Variants in STT3B observed in about 807,000 individuals in gnomAD.
STT3B encodes STT3 oligosaccharyltransferase complex catalytic subunit B.
STT3B carries 29 observed loss-of-function variants against 96.8 expected under a neutral mutation model. The ratio of observed to expected loss-of-function variants is 0.30; its 90% CI spans 0.22 to 0.41. STT3B has a LOEUF of 0.41. STT3B is among the 10% of genes least tolerant of loss of function. The pLI, the probability that STT3B is intolerant of heterozygous loss-of-function variation, is 1.00. For missense variants in STT3B, 640 were observed against 1,022.3 expected (o/e 0.63, Z 5.10); for synonymous variants, 367 against 360.0 (o/e 1.02, Z -0.22).
rs1245272681 is a variant in STT3B at position 31,537,852 on chromosome 3, AAC to A, written c.314+4542_314+4543del. On this transcript the variant is annotated intron_variant, in intron 1 of 15. Transcript: ENST00000295770. Reference sequence around the variant, plus strand: ...AGTTTTGAGTGTTTGAGAAAATGTTAACATTTATCTTTATTGTTATATCTTAG... The same window carrying A: ...AGTTTTGAGTGTTTGAGAAAATGTTAATTTATCTTTATTGTTATATCTTAG... 2.6e-5 allele frequency among the ~76,000 whole-genome samples: 4 copies of A among 152,322 alleles called. No individual in the cohort carries two copies. In the East Asian group the frequency reaches 5.8e-4, roughly 22 times the overall value.
intron 7 of STT3B, among the ~76,000 whole-genome samples, chr3:31,617,276 A>G (rs1699327422): frequency 6.7e-6 from 1 of 149,486 alleles, no homozygotes; most frequent in South Asian, 2.1e-4. Flanking sequence ...TGCTGGATGA[A>G]TAGTCCCAAA....
At position 31,579,901 on chromosome 3, in the gene STT3B, C is replaced by T; in HGVS notation, c.516C>T (p.Phe172=). ...ITVHIRDVCV[F]LAPTFSGLTS... ...TTCACATAAGAGACGTATGTGTGTT[C>T]CTTGCACCAACTTTTAGCGGCCTTA... The change falls in exon 3 of 16, where the codon TTC becomes TTT. Residue 172 remains phenylalanine (F), a synonymous_variant. Transcript: ENST00000295770. The T allele has an allele frequency of 1.9e-6, 3 of 1,613,810 alleles. No individual in the cohort carries two copies. The highest frequency in any genetic ancestry group is 2.5e-6 in the Non-Finnish European group (3 of 1,179,794).
chr3:31,595,865 A>G (rs1451390004), intron 3 of STT3B, among the ~76,000 whole-genome samples: 1 of 152,126 alleles, frequency 6.6e-6, no homozygotes, highest in Non-Finnish European at 1.5e-5. Context: ...GCCCAAAACC[A>G]CCACCTCAGT....
intron 8 of STT3B, among the ~76,000 whole-genome samples, chr3:31,618,953 G>T (rs1259057527): frequency 6.6e-6 from 1 of 151,764 alleles, no homozygotes; most frequent in Non-Finnish European, 1.5e-5. Context: ...TATAACTTGT[G>T]CAGTTATATT....
chr3:31,557,222 C>T (rs1697740954), intron 1 of STT3B, among the ~76,000 whole-genome samples: 2 of 152,158 alleles, frequency 1.3e-5, no homozygotes, highest in Non-Finnish European at 1.5e-5. Context: ...TTTGGATTCT[C>T]TGTTCTGTGC....
intron 1 of STT3B, among the ~76,000 whole-genome samples, chr3:31,570,507 G>A (rs765817566): frequency 2.0e-5 from 3 of 152,134 alleles, no homozygotes; most frequent in African/African-American, 7.2e-5. Flanking sequence ...GCTATGGCAC[G>A]TTTCTATGTA....
chr3:31,535,597 G>A (rs1396855895), intron 1 of STT3B, among the ~76,000 whole-genome samples: 2 of 151,980 alleles, frequency 1.3e-5, no homozygotes, highest in African/African-American at 2.4e-5. Flanking sequence ...GGTGTCGGGC[G>A]CCTGTAATCC....
intron 14 of STT3B, 78 bp from the exon 15 acceptor site, chr3:31,632,857 A>G: frequency 1.6e-6 from 2 of 1,232,584 alleles, no homozygotes; most frequent in South Asian, 2.8e-5. Flanking sequence ...GTATTACTGT[A>G]ATGATAACAC....
At chr3:31,569,858 A>T (rs1698097196) in intron 1 of STT3B, among the ~76,000 whole-genome samples, 2 of 152,060 alleles carry the variant, frequency 1.3e-5, no homozygotes, top group South Asian at 4.1e-4. Context: ...TTGCATATAT[A>T]TGTATTATGT....
At chr3:31,545,782 A>G (rs1028746407) in intron 1 of STT3B, among the ~76,000 whole-genome samples, 1 of 151,624 alleles carries the variant, frequency 6.6e-6, no homozygotes, top group African/African-American at 2.4e-5. Flanking sequence ...GCTCAACACA[A>G]ATTTGTAAAC....
chr3:31,566,465 GAC>G (rs1386874946), intron 1 of STT3B, among the ~76,000 whole-genome samples: 1 of 152,150 alleles, frequency 6.6e-6, no homozygotes, highest in Non-Finnish European at 1.5e-5. Flanking sequence ...CATAGTGTCT[GAC>G]ATGTTTTTTT....
chr3:31,632,193 G>A (rs1458683844), intron 14 of STT3B, among the ~76,000 whole-genome samples: 2 of 152,068 alleles, frequency 1.3e-5, no homozygotes, highest in Non-Finnish European at 2.9e-5. Flanking sequence ...CTCTCCCTAT[G>A]TTTTCCCTTT....
intron 5 of STT3B, among the ~76,000 whole-genome samples, chr3:31,607,313 G>A (rs562478848): frequency 3.3e-5 from 5 of 152,208 alleles, no homozygotes; most frequent in African/African-American, 1.2e-4. Flanking sequence ...AGGTGCCAGG[G>A]CAGAATGTAT....
At chr3:31,633,277 A>C in intron 15 of STT3B, 130 bp downstream of exon 15, 1 of 784,890 alleles carries the variant, frequency 1.3e-6, no homozygotes, top group Non-Finnish European at 2.0e-6. Context: ...TATTAATACG[A>C]AGTAAATATC....
At chr3:31,596,043 GAGTTAT>G (rs1330824800) in intron 3 of STT3B, among the ~76,000 whole-genome samples, 1 of 152,188 alleles carries the variant, frequency 6.6e-6, no homozygotes, top group African/African-American at 2.4e-5. Context: ...GTACAGGACT[GAGTTAT>G]AGTTTGTGTC....
chr3:31,617,808 C>T (rs548610759), intron 7 of STT3B, 132 bp from the exon 8 acceptor site: 4 of 681,836 alleles, frequency 5.9e-6, no homozygotes, highest in East Asian at 2.7e-5. Context: ...TAGGTTGACA[C>T]CTATAAATGA....
At position 31,636,388 on chromosome 3, in the gene STT3B, C is replaced by G; in HGVS notation, c.*324C>G. ...GAACCCTCTAATTTGGTCCCTGGCA[C>G]ATGCATACTTGTCAATGTTTTTATT... On this transcript the variant is annotated 3_prime_UTR_variant, in exon 16 of 16. Transcript: ENST00000295770. 1 of 198,458 alleles carries G rather than the reference C, an allele frequency of 5.0e-6. No individual in the cohort carries two copies. The highest frequency in any genetic ancestry group is 1.0e-5 in the Non-Finnish European group (1 of 99,120). 12.3% of individuals were successfully genotyped at this position (198,458 alleles called of 1,614,324 possible). A position where few individuals can be genotyped will look rare whatever the true frequency, so the allele number is the denominator to read the frequency against.
intron 1 of STT3B, among the ~76,000 whole-genome samples, chr3:31,561,049 A>T (rs764575840): frequency 3.3e-5 from 5 of 151,462 alleles, no homozygotes; most frequent in African/African-American, 1.2e-4. Flanking sequence ...TTTCATATAT[A>T]TTTTTTATTT....
Position 31,636,306 on chromosome 3 carries a change from T to C in STT3B, c.*242T>C. The stretch of plus-strand genomic sequence containing the variant: ...CTGTAAATGTCTAGCAGCAGATTTT[T>C]TTTTTATTGGTACATATTATCCTTC... On this transcript the variant is annotated 3_prime_UTR_variant, in exon 16 of 16. Coordinates refer to ENST00000295770, the MANE Select transcript of STT3B (RefSeq NM_178862.3). The C allele has an allele frequency of 3.0e-6, 1 of 333,920 alleles. No individual in the cohort carries two copies. 20.7% of individuals were successfully genotyped at this position (333,920 alleles called of 1,614,324 possible).
Sources: allele counts gnomAD v4.1 joint callset (sites outside exome capture counted in the v4.1 genomes callset), GRCh38; gene constraint gnomAD v4.1.1; transcripts MANE v1.5; gene names NCBI Gene and HGNC (gene_info 2026-07-23, HGNC 2026-07-21).